Variants in TRAPPC9 observed in about 807,000 individuals in gnomAD.
TRAPPC9 encodes the protein IKK2 binding protein.
TRAPPC9 carries 83 observed loss-of-function variants against 124.0 expected under a neutral mutation model. The observed-to-expected ratio is 0.67, with a 90% CI of 0.56 to 0.80. TRAPPC9 has a LOEUF of 0.80. Ranked by LOEUF, TRAPPC9 falls within the 30% of genes least tolerant of loss-of-function variation. The pLI is 0.00. For missense variants in TRAPPC9, 1,302 were observed against 1,508.3 expected (o/e 0.86, Z 2.27); for synonymous variants, 638 against 617.5 (o/e 1.03, Z -0.49).
intron 21 of TRAPPC9, among the ~76,000 whole-genome samples, chr8:139,772,289 G>GTGCC (rs1454759808): frequency 1.3e-5 from 2 of 152,240 alleles, no homozygotes; most frequent in Non-Finnish European, 2.9e-5. Context: ...CCCAGACTGA[G>GTGCC]TGCCCCACTG....
intron 19 of TRAPPC9, among the ~76,000 whole-genome samples, chr8:139,971,738 CATATATATAT>C (rs35028992): frequency 5.2e-5 from 2 of 38,422 alleles, no homozygotes; most frequent in African/African-American, 1.0e-4. Flanking sequence ...CACACACACA[CATATATATAT>C]ACACACACAC....
chr8:139,970,744 G>A (rs150035543), intron 19 of TRAPPC9, among the ~76,000 whole-genome samples: 249 of 152,288 alleles, frequency 1.6e-3, no homozygotes, highest in African/African-American at 5.7e-3. Context: ...CAAATTCAGG[G>A]AGCAGGGCTG....
chr8:139,805,045 G>A (rs1204193903), intron 21 of TRAPPC9, among the ~76,000 whole-genome samples: 2 of 152,186 alleles, frequency 1.3e-5, no homozygotes, highest in African/African-American at 4.8e-5. Flanking sequence ...GGGTCCTCAT[G>A]CTGGGGTCCA....
In TRAPPC9 at chr8:140,094,197, A is replaced by G. The variant is rs553453998; in HGVS notation, c.2557-70118T>C. On this transcript the variant is annotated intron_variant, in intron 17 of 22. Coordinates refer to ENST00000438773, the MANE Select transcript of TRAPPC9 (RefSeq NM_001160372.4). ...TTTGGCTGGAGGAGACATGGTGGTC[A>G]CTTCCAAATAGCAACAGGCACCGCT... Among the ~76,000 whole-genome samples the G allele has an allele frequency of 8.7e-4, 133 of 152,320 alleles. 1 individual carries two copies. Among genetic ancestry groups the G allele is most frequent in the Non-Finnish European group, 1.6e-3 (111 of 68,030 alleles).
intron 3 of TRAPPC9, among the ~76,000 whole-genome samples, chr8:140,437,889 G>A (rs150042186): frequency 1.6e-4 from 24 of 152,272 alleles, no homozygotes; most frequent in African/African-American, 4.6e-4. Flanking sequence ...ATTCCACCAC[G>A]AAGTGTCAGC....
At chr8:140,268,607 A>G (rs60637603) in intron 15 of TRAPPC9, among the ~76,000 whole-genome samples, 37,469 of 151,970 alleles carry the variant, frequency 0.25, 5,044 homozygotes, top group African/African-American at 0.35. Context: ...CTTTGTTTTT[A>G]TGCCGGCTCC....
At chr8:140,450,714 G>A in intron 2 of TRAPPC9, 76 bp downstream of exon 2, 1 of 1,124,630 alleles carries the variant, frequency 8.9e-7, no homozygotes, top group Non-Finnish European at 1.3e-6. Flanking sequence ...ACTCCTTGCT[G>A]CAATGAAATT....
At chr8:140,258,735 A>G (rs1396131077) in intron 15 of TRAPPC9, among the ~76,000 whole-genome samples, 2 of 152,246 alleles carry the variant, frequency 1.3e-5, no homozygotes, top group Non-Finnish European at 2.9e-5. Flanking sequence ...ATAGAATGGG[A>G]TAAGAGAGGC....
chr8:139,836,313 G>T (rs1826345017), intron 21 of TRAPPC9, among the ~76,000 whole-genome samples: 1 of 152,224 alleles, frequency 6.6e-6, no homozygotes, highest in Admixed American at 6.5e-5. Flanking sequence ...CCAGTAAAGG[G>T]AAGCAGTTCT....
intron 17 of TRAPPC9, among the ~76,000 whole-genome samples, chr8:140,189,240 C>A (rs1226766641): frequency 1.3e-5 from 2 of 152,190 alleles, no homozygotes; most frequent in Non-Finnish European, 2.9e-5. Flanking sequence ...GGAACAGTTT[C>A]CCTGCTGTCT....
chr8:140,325,601 T>C (rs2066714336), intron 9 of TRAPPC9, among the ~76,000 whole-genome samples: 1 of 152,212 alleles, frequency 6.6e-6, no homozygotes, highest in African/African-American at 2.4e-5. Context: ...CTGTATTTAT[T>C]AAAGAAGTTG....
Position 139,863,988 on chromosome 8 carries a change from G to C in TRAPPC9, c.3055+21891C>G, listed in dbSNP as rs553905220. 2.6e-5 allele frequency among the ~76,000 whole-genome samples: 4 copies of C among 152,288 alleles called. No homozygotes were observed. In the South Asian group the frequency reaches 8.3e-4, roughly 32 times the overall value. ...GGGACCAGAGAGCATCAAGGTGCTG[G>C]GGACAGCACCGCCCACCAGTGGGAC... On this transcript the variant is annotated intron_variant, in intron 21 of 22. Coordinates refer to ENST00000438773, the MANE Select transcript of TRAPPC9 (RefSeq NM_001160372.4).
At chr8:139,893,439 T>A (rs1194249021) in intron 20 of TRAPPC9, among the ~76,000 whole-genome samples, 1 of 152,252 alleles carries the variant, frequency 6.6e-6, no homozygotes, top group African/African-American at 2.4e-5. Flanking sequence ...CCTGGCGGTC[T>A]GCACAATGCT....
In TRAPPC9 at chr8:139,988,788, A is replaced by G; in HGVS notation, c.2748T>C (p.His916=). ...LLLDVFNSTE[H]ELTVSTRSSE... ...TGCTCCTGGTGCTGACGGTCAGCTC[A>G]TGCTCGGTGGAGTTGAAGACATCCA... is the stretch of plus-strand genomic sequence containing the variant. The change falls in exon 19 of 23, where the codon CAT becomes CAC. Residue 916 remains histidine, a synonymous_variant. Transcript: ENST00000438773. 1.9e-6 allele frequency: 3 copies of G among 1,551,536 alleles called. No individual in the cohort carries two copies. The highest frequency in any genetic ancestry group is 1.7e-6 in the Non-Finnish European group (2 of 1,146,950).
chr8:139,910,414 T>C (rs557223466), intron 19 of TRAPPC9, 114 bp from the exon 20 acceptor site: 1 of 1,108,730 alleles, frequency 9.0e-7, no homozygotes, highest in South Asian at 1.3e-5. Flanking sequence ...TTATCGTTAG[T>C]AATTCATAAC....
intron 17 of TRAPPC9, among the ~76,000 whole-genome samples, chr8:140,053,505 G>A (rs1842117415): frequency 6.6e-6 from 1 of 152,168 alleles, no homozygotes; most frequent in South Asian, 2.1e-4. Flanking sequence ...AAAATGTTCT[G>A]TCTGCACTTG....
intron 21 of TRAPPC9, among the ~76,000 whole-genome samples, chr8:139,876,314 T>G (rs1278012294): frequency 6.6e-6 from 1 of 152,166 alleles, no homozygotes; most frequent in African/African-American, 2.4e-5. Flanking sequence ...GCTGTTCAGA[T>G]GGAAGCAGCA....
chr8:139,849,755 T>C (rs1022815443), intron 21 of TRAPPC9, among the ~76,000 whole-genome samples: 10 of 152,214 alleles, frequency 6.6e-5, no homozygotes, highest in African/African-American at 2.2e-4. Context: ...AGTTCTAAGA[T>C]ATTAATGTCC....
At position 140,216,579 on chromosome 8, in the gene TRAPPC9, C is replaced by T. The variant is rs981289680; in HGVS notation, c.2556+4880G>A. On this transcript the variant is annotated intron_variant, in intron 17 of 22. Transcript: ENST00000438773. This position sits in a 1 kb window ranked among gnomAD's most constrained non-coding sequence, Gnocchi z 4.1. ...AGCAAAGGAAGGAACCAACAAACTC[C>T]GCGTGCCTCTGAAACCCTTGGCAGC... is the stretch of plus-strand genomic sequence containing the variant. Among the ~76,000 whole-genome samples, 7 of 152,162 alleles carry T rather than the reference C, an allele frequency of 4.6e-5. No homozygotes were observed. The highest frequency in any genetic ancestry group is 8.8e-5 in the Non-Finnish European group (6 of 68,030).
Sources: allele counts gnomAD v4.1 joint callset (sites outside exome capture counted in the v4.1 genomes callset), GRCh38; gene constraint gnomAD v4.1.1; non-coding constraint Gnocchi (gnomAD v3.1); transcripts MANE v1.5; gene names NCBI Gene and HGNC (gene_info 2026-07-23, HGNC 2026-07-21).